The following PIBF1 variants were observed in gnomAD, a reference collection of about 807,000 sequenced individuals.
PIBF1 encodes progesterone immunomodulatory binding factor 1.
In PIBF1, 90 loss-of-function variants were observed where a neutral mutation model predicts 112.5. The ratio of observed to expected loss-of-function variants is 0.80; its 90% CI spans 0.67 to 0.95. PIBF1 has a LOEUF of 0.95. Among genes scored for constraint, PIBF1 ranks in the 40% least tolerant of loss-of-function variants. The pLI, the probability that PIBF1 is intolerant of heterozygous loss-of-function variation, is 0.00. For synonymous variants in PIBF1, 301 were observed against 288.6 expected, an observed-to-expected ratio of 1.04 and a Z score of -0.44; for missense variants, 915 against 852.3, an observed-to-expected ratio of 1.07 and a Z score of -0.92.
chr13:73,010,362 G>A (rs2044159259), intron 17 of PIBF1, among the ~76,000 whole-genome samples: 1 of 151,704 alleles, frequency 6.6e-6, no homozygotes, highest in East Asian at 1.9e-4. Flanking sequence ...TAGCACTTTG[G>A]GAGGCCGAGG....
chr13:72,901,784 A>G lies in PIBF1; in HGVS notation c.1489-6747A>G, dbSNP rs770281169. On this transcript the variant is annotated intron_variant, in intron 11 of 17. Transcript: ENST00000326291. Reference sequence around the variant, plus strand: ...GGGAAAGTAATCTAGTACAGCTGCTATGGAAAACAGTGTGGAAATTCCTTA... The same window carrying G: ...GGGAAAGTAATCTAGTACAGCTGCTGTGGAAAACAGTGTGGAAATTCCTTA... 1.1e-3 allele frequency among the ~76,000 whole-genome samples: 174 copies of G among 152,238 alleles called. 2 individuals are homozygous for G. The highest frequency in any genetic ancestry group is 5.9e-4 in the Admixed American group (9 of 15,280).
intron 9 of PIBF1, among the ~76,000 whole-genome samples, chr13:72,844,987 T>C (rs2138265970): frequency 6.6e-6 from 1 of 152,090 alleles, no homozygotes; most frequent in African/African-American, 2.4e-5. Context: ...TTATTTTATT[T>C]TATTTTAAGT....
At chr13:72,929,688 G>A (rs2041641979) in intron 13 of PIBF1, among the ~76,000 whole-genome samples, 1 of 152,052 alleles carries the variant, frequency 6.6e-6, no homozygotes, top group Admixed American at 6.6e-5. Flanking sequence ...AAAAAAAAGT[G>A]GTTGTCAAAA....
At chr13:72,849,876 T>C (rs1299108111) in intron 9 of PIBF1, among the ~76,000 whole-genome samples, 1 of 152,196 alleles carries the variant, frequency 6.6e-6, no homozygotes, top group Non-Finnish European at 1.5e-5. Context: ...ATTTGTAAAA[T>C]GGAGGTAATG....
At chr13:72,824,909 C>T (rs879818486) in intron 6 of PIBF1, among the ~76,000 whole-genome samples, 1 of 152,158 alleles carries the variant, frequency 6.6e-6, no homozygotes, top group Admixed American at 6.5e-5. Context: ...ATCAGAGAAT[C>T]ATTTCTGAGA....
intron 10 of PIBF1, among the ~76,000 whole-genome samples, chr13:72,861,318 AT>A: frequency 6.6e-6 from 1 of 151,956 alleles, no homozygotes; most frequent in Non-Finnish European, 1.5e-5. Context: ...ATGTACATAT[AT>A]TATGTATTTT....
At chr13:72,948,833 A>G (rs1417793025) in intron 14 of PIBF1, among the ~76,000 whole-genome samples, 2 of 152,192 alleles carry the variant, frequency 1.3e-5, no homozygotes, top group South Asian at 2.1e-4. Flanking sequence ...TTATAAAACC[A>G]TCAGATTTTG....
chr13:72,802,193 A>G (rs1340704726), intron 5 of PIBF1, among the ~76,000 whole-genome samples: 1 of 152,124 alleles, frequency 6.6e-6, no homozygotes. Flanking sequence ...TTGGTACCCC[A>G]ACCCCTGTAT....
chr13:72,848,571 C>T (rs781134594), intron 9 of PIBF1, among the ~76,000 whole-genome samples: 8 of 152,200 alleles, frequency 5.3e-5, no homozygotes, highest in East Asian at 1.9e-4. Context: ...CTTGGCCGGG[C>T]GCGGTGGCTC....
At chr13:72,802,879 A>C (rs1163281382) in intron 5 of PIBF1, among the ~76,000 whole-genome samples, 1 of 152,162 alleles carries the variant, frequency 6.6e-6, no homozygotes, top group Non-Finnish European at 1.5e-5. Context: ...TGTGGGAGAG[A>C]GAAGGAGGAG....
At chr13:72,865,322 A>G (rs922187215) in intron 10 of PIBF1, among the ~76,000 whole-genome samples, 3 of 152,196 alleles carry the variant, frequency 2.0e-5, no homozygotes, top group African/African-American at 7.2e-5. Flanking sequence ...CCGTGTTTCT[A>G]TTAGAAAACA....
chr13:72,990,572 G>A (rs925651624), intron 16 of PIBF1, among the ~76,000 whole-genome samples: 3 of 149,224 alleles, frequency 2.0e-5, no homozygotes, highest in African/African-American at 7.5e-5. Context: ...TTAAAGCTGG[G>A]CATGGTGGCT....
chr13:72,828,180 A>G (rs909871984), intron 8 of PIBF1, among the ~76,000 whole-genome samples: 1 of 151,658 alleles, frequency 6.6e-6, no homozygotes, highest in East Asian at 1.9e-4. Context: ...CGTTTCTTGA[A>G]TACAGTAATG....
chr13:72,821,329 A>G (rs2036548287), intron 5 of PIBF1, among the ~76,000 whole-genome samples: 1 of 152,176 alleles, frequency 6.6e-6, no homozygotes, highest in African/African-American at 2.4e-5. Context: ...TAGAGGGAAG[A>G]ACAATGTAAA....
intron 14 of PIBF1, among the ~76,000 whole-genome samples, chr13:72,955,048 A>T (rs2042404757): frequency 6.6e-6 from 1 of 152,188 alleles, no homozygotes; most frequent in Non-Finnish European, 1.5e-5. Context: ...GATGCTCAGA[A>T]ATTATTATTA....
intron 9 of PIBF1, among the ~76,000 whole-genome samples, chr13:72,848,824 T>A (rs1185086790): frequency 6.8e-6 from 1 of 147,898 alleles, no homozygotes; most frequent in Non-Finnish European, 1.5e-5. Context: ...AGAGTGAGAC[T>A]CCGTCTCAAA....
At chr13:72,831,677 A>G (rs2037122586) in intron 8 of PIBF1, among the ~76,000 whole-genome samples, 1 of 152,060 alleles carries the variant, frequency 6.6e-6, no homozygotes, top group African/African-American at 2.4e-5. Flanking sequence ...GGGGTGTTTT[A>G]CTTCCTATTA....
chr13:72,881,652 G>T (rs907087074), intron 10 of PIBF1, among the ~76,000 whole-genome samples: 3 of 151,296 alleles, frequency 2.0e-5, no homozygotes, highest in Admixed American at 2.0e-4. Context: ...TGAGGTGGAG[G>T]TTGCAGTGAG....
At chr13:72,993,404 A>G (rs967792981) in intron 16 of PIBF1, among the ~76,000 whole-genome samples, 6 of 152,208 alleles carry the variant, frequency 3.9e-5, no homozygotes, top group Non-Finnish European at 8.8e-5. Context: ...TAAATAAAGT[A>G]TAAGTAAAAC....
Sources: allele counts gnomAD v4.1 joint callset (sites outside exome capture counted in the v4.1 genomes callset), GRCh38; gene constraint gnomAD v4.1.1; transcripts MANE v1.5; gene names NCBI Gene and HGNC (gene_info 2026-07-23, HGNC 2026-07-21).